The following ATP11C variants were observed in gnomAD, a reference collection of about 807,000 sequenced individuals.
ATP11C encodes the protein ATPase phospholipid transporting 11C (ATP11C blood group).
A neutral mutation model predicts 97.4 loss-of-function variants in ATP11C; 36 were observed. That is an observed-to-expected ratio of 0.37 (90% CI 0.28 to 0.49). The LOEUF (loss-of-function observed/expected upper bound fraction) is 0.49, where lower values mean the gene tolerates loss of function less well. Among genes scored for constraint, ATP11C ranks in the 20% least tolerant of loss-of-function variants. The probability of loss-of-function intolerance (pLI) is 0.98; values close to 1 mark genes in which losing one functional copy is unlikely to be tolerated. For missense variants in ATP11C, 730 were observed against 824.6 expected (o/e 0.89, Z 1.40); for synonymous variants, 275 against 290.9 (o/e 0.95, Z 0.56).
Position 139,814,925 on chromosome X carries a change from T to C in ATP11C, c.379A>G (p.Ile127Val), listed in dbSNP as rs918691679. The change falls in exon 5 of 30, where the codon ATT becomes GTT. Residue 127 changes from isoleucine (I) to valine (V), a missense_variant. Transcript: ENST00000682941. ...CTCACTCGCTTTGCATTTTCAATAA[T>C]GTAAACAGTGCTTTTGTTGACTTCA... is the stretch of plus-strand genomic sequence containing the variant. ...DNEVNKSTVY[I>V]IENAKRVRKE... 1.8e-5 allele frequency: 21 copies of C among 1,189,457 alleles called. No individual in the cohort carries two copies. Among genetic ancestry groups the C allele is most frequent in the Non-Finnish European group, 2.1e-5 (19 of 886,582 alleles).
intron 1 of ATP11C, among the ~76,000 whole-genome samples, chrX:139,913,215 G>T (rs1054121807): frequency 1.8e-5 from 2 of 111,842 alleles, no homozygotes; most frequent in African/African-American, 6.5e-5. Context: ...GTGACCACTG[G>T]CAAAGGCAGT....
chrX:139,782,815 C>T (rs1317974619), intron 17 of ATP11C, 87 bp from the exon 18 acceptor site: 2 of 674,411 alleles, frequency 3.0e-6, no homozygotes, highest in Non-Finnish European at 4.3e-6. Flanking sequence ...TTGCTTTAGC[C>T]ATATGGACAA....
chrX:139,807,406 G>C (rs908355875), intron 5 of ATP11C, among the ~76,000 whole-genome samples: 3 of 111,422 alleles, frequency 2.7e-5, no homozygotes, highest in Non-Finnish European at 5.6e-5. Flanking sequence ...CTGTTGACTA[G>C]ATTGACTCAA....
chrX:139,743,206 C>G (rs942380398), intron 26 of ATP11C, among the ~76,000 whole-genome samples: 19 of 110,238 alleles, frequency 1.7e-4, no homozygotes, highest in Admixed American at 4.9e-4. Context: ...CTCTCTCTCT[C>G]TCGCTCTCTC....
intron 20 of ATP11C, among the ~76,000 whole-genome samples, chrX:139,764,048 T>C (rs1434354082): frequency 8.9e-6 from 1 of 112,318 alleles, no homozygotes; most frequent in East Asian, 2.8e-4. Flanking sequence ...TGGGGTAACA[T>C]ACATAAGGCC....
rs187098695 is a variant in ATP11C at position 139,866,743 on chromosome X, C to T, written c.28-39920G>A. 1.0e-4 allele frequency among the ~76,000 whole-genome samples: 11 copies of T among 109,933 alleles called. No individual in the cohort carries two copies. The East Asian group carries it at 2.6e-3, about 26-fold the overall frequency. On this transcript the variant is annotated intron_variant, in intron 1 of 29. Transcript: ENST00000682941. ...CAAAAACAAACAAAAAAAAAGACGCCGGAAGAATCTGAAGTCTAACAGTCT... is the reference window on the plus strand; with the variant it reads ...CAAAAACAAACAAAAAAAAAGACGCTGGAAGAATCTGAAGTCTAACAGTCT...
At chrX:139,905,468 T>C (rs1162321248) in intron 1 of ATP11C, among the ~76,000 whole-genome samples, 1 of 111,964 alleles carries the variant, frequency 8.9e-6, no homozygotes, top group African/African-American at 3.2e-5. Flanking sequence ...TCTTGTATTT[T>C]CATTATATAA....
intron 5 of ATP11C, among the ~76,000 whole-genome samples, chrX:139,811,044 T>C (rs1049019797): frequency 9.0e-6 from 1 of 111,557 alleles, no homozygotes; most frequent in African/African-American, 3.3e-5. Flanking sequence ...AATATTTCAA[T>C]ATATTTTGGT....
At chrX:139,930,269 G>A (rs1045355179) in intron 1 of ATP11C, among the ~76,000 whole-genome samples, 31 of 109,544 alleles carry the variant, frequency 2.8e-4, no homozygotes, top group African/African-American at 1.0e-3. Context: ...TTAATTACTA[G>A]ACTCTGATAC....
At chrX:139,783,128 G>T (rs1569453088) in intron 17 of ATP11C, 36 bp downstream of exon 17, 1 of 928,622 alleles carries the variant, frequency 1.1e-6, no homozygotes, top group Non-Finnish European at 1.5e-6. Context: ...ACATTTCTCT[G>T]CTTACTTATT....
At chrX:139,865,705 G>A (rs902218261) in intron 1 of ATP11C, among the ~76,000 whole-genome samples, 2 of 111,256 alleles carry the variant, frequency 1.8e-5, no homozygotes, top group African/African-American at 6.5e-5. Flanking sequence ...AGGTTGCAGT[G>A]AGCAAAGATC....
At chrX:139,760,554 T>C (rs1047525454) in intron 22 of ATP11C, among the ~76,000 whole-genome samples, 3 of 112,226 alleles carry the variant, frequency 2.7e-5, no homozygotes, top group Non-Finnish European at 5.6e-5. Flanking sequence ...TTGAATTATA[T>C]ACTAAATACT....
Position 139,906,766 on chromosome X carries a change from A to C in ATP11C, c.27+25250T>G, listed in dbSNP as rs953413266. ...CACTGCACTCCAGCCTGGGCAACAG[A>C]GTGAGACTCTGTCTCAAAAAAAAAA... On this transcript the variant is annotated intron_variant, in intron 1 of 29. Transcript: ENST00000682941. Among the ~76,000 whole-genome samples the C allele has an allele frequency of 3.1e-4, 32 of 102,625 alleles. 3 individuals are homozygous for C. The Admixed American group carries it at 3.1e-3, about 10-fold the overall frequency. The allele number at this position is 102,625 out of a possible 115,157, so 89.1% of individuals were successfully genotyped here.
intron 27 of ATP11C, among the ~76,000 whole-genome samples, chrX:139,739,196 C>T (rs1198614395): frequency 9.0e-6 from 1 of 110,945 alleles, no homozygotes; most frequent in Non-Finnish European, 1.9e-5. Context: ...AGGCAGTTAA[C>T]TGAGCCATAA....
At chrX:139,797,839 T>G (rs1187747418) in intron 10 of ATP11C, among the ~76,000 whole-genome samples, 1 of 111,608 alleles carries the variant, frequency 9.0e-6, no homozygotes, top group Non-Finnish European at 1.9e-5. Context: ...GCAACTGGCT[T>G]GAGGATCTAC....
In ATP11C at chrX:139,745,863, G is replaced by A. The variant is rs749194856; in HGVS notation, c.2829-6C>T. On this transcript the variant is annotated splice_polypyrimidine_tract_variant and splice_region_variant and intron_variant, in intron 24 of 29. Coordinates refer to ENST00000682941, the MANE Select transcript of ATP11C (RefSeq NM_001353812.2). ...TGGCATTGCCAGAAATTTTCCTATT[G>A]AGAAATGGGGGGAAAAAACCATTAG... 2.5e-6 allele frequency: 3 copies of A among 1,189,418 alleles called. No homozygotes were observed. The highest frequency in any genetic ancestry group is 3.4e-6 in the Non-Finnish European group (3 of 886,997).
chrX:139,932,163 G>T lies in ATP11C; in HGVS notation c.-121C>A, dbSNP rs1233857250. ...AAGCGGAGCAGCGAGGCGGGCGGCC[G>T]GGCCACCCGCTCGCCGCCTGCCCCC... is the stretch of plus-strand genomic sequence containing the variant. On this transcript the variant is annotated 5_prime_UTR_variant, in exon 1 of 30. Transcript: ENST00000682941. The T allele has an allele frequency of 1.6e-3, 1,029 of 628,040 alleles. 1 individual carries two copies. The highest frequency in any genetic ancestry group is 2.0e-3 in the Non-Finnish European group (965 of 493,362). The allele number at this position is 628,040 out of a possible 1,213,427, so 51.8% of individuals were successfully genotyped here. A position where few individuals can be genotyped will look rare whatever the true frequency, so the allele number is the denominator to read the frequency against.
intron 1 of ATP11C, among the ~76,000 whole-genome samples, chrX:139,905,828 G>A (rs1474498200): frequency 9.0e-6 from 1 of 111,327 alleles, no homozygotes; most frequent in East Asian, 2.8e-4. Flanking sequence ...GAAGATCAAG[G>A]GCAAAAATGA....
At chrX:139,748,074 A>G (rs1242333162) in intron 24 of ATP11C, among the ~76,000 whole-genome samples, 3 of 111,957 alleles carry the variant, frequency 2.7e-5, no homozygotes, top group Non-Finnish European at 5.6e-5. Context: ...TCACATTCTT[A>G]ATTTATACAA....
Sources: gnomAD v4.1 joint callset for allele counts (sites outside exome capture counted in the v4.1 genomes callset) on GRCh38, gnomAD v4.1.1 for gene constraint, MANE v1.5 for transcripts, NCBI Gene and HGNC (gene_info 2026-07-23, HGNC 2026-07-21) for gene names.